LRRTM4: variants seen among roughly 807,000 people sequenced by gnomAD.
LRRTM4 encodes the protein leucine rich repeat transmembrane neuronal 4.
In LRRTM4, 25 loss-of-function variants were observed where a neutral mutation model predicts 47.6. The ratio of observed to expected loss-of-function variants is 0.53; its 90% CI spans 0.38 to 0.73. The LOEUF (loss-of-function observed/expected upper bound fraction) is 0.73, where lower values mean the gene tolerates loss of function less well. Ranked by LOEUF, LRRTM4 falls within the 30% of genes least tolerant of loss-of-function variation. The pLI, the probability that LRRTM4 is intolerant of heterozygous loss-of-function variation, is 0.00. For synonymous variants in LRRTM4, 311 were observed against 269.5 expected (o/e 1.15, Z -1.51); for missense variants, 638 against 713.4 (o/e 0.89, Z 1.20).
intron 3 of LRRTM4, among the ~76,000 whole-genome samples, chr2:77,306,093 T>C (rs1161158708): frequency 6.6e-6 from 1 of 152,182 alleles, no homozygotes; most frequent in Non-Finnish European, 1.5e-5. Context: ...CAATCCCAGA[T>C]GTTTGGGTAT....
At chr2:76,858,334 A>G (rs1672214411) in intron 3 of LRRTM4, among the ~76,000 whole-genome samples, 1 of 152,170 alleles carries the variant, frequency 6.6e-6, no homozygotes, top group Admixed American at 6.5e-5. Context: ...ACTCTTTTCA[A>G]ACTGAGACAT....
chr2:77,130,980 G>T (rs1461646689), intron 3 of LRRTM4, among the ~76,000 whole-genome samples: 4 of 144,762 alleles, frequency 2.8e-5, no homozygotes, highest in Non-Finnish European at 4.6e-5. Flanking sequence ...GACTACAGGC[G>T]CCCGCCACTA....
At chr2:76,812,375 C>T (rs1670760027) in intron 3 of LRRTM4, among the ~76,000 whole-genome samples, 1 of 152,140 alleles carries the variant, frequency 6.6e-6, no homozygotes, top group African/African-American at 2.4e-5. Context: ...CAATGAAATG[C>T]TCTCTGAGAA....
chr2:76,938,705 C>T (rs976878990), intron 3 of LRRTM4, among the ~76,000 whole-genome samples: 3 of 152,010 alleles, frequency 2.0e-5, no homozygotes, highest in African/African-American at 7.2e-5. Context: ...TCTTAGAATA[C>T]ACTTCTGTAA....
chr2:76,749,726 T>C (rs1672782222), intron 3 of LRRTM4, among the ~76,000 whole-genome samples: 1 of 152,204 alleles, frequency 6.6e-6, no homozygotes, highest in Non-Finnish European at 1.5e-5. Context: ...ATTTTGAATT[T>C]TGGTGGAGCT....
At chr2:77,517,193 C>T in intron 3 of LRRTM4, 1 of 984,972 alleles carries the variant, frequency 1.0e-6, no homozygotes, top group Non-Finnish European at 1.2e-6. Flanking sequence ...TATTTGTCTG[C>T]TCACTAACAT....
intron 3 of LRRTM4, among the ~76,000 whole-genome samples, chr2:77,398,670 A>G (rs547008187): frequency 1.3e-5 from 2 of 152,008 alleles, no homozygotes; most frequent in East Asian, 3.9e-4. Flanking sequence ...TGCTGGGTAT[A>G]TGGCAGATCC....
chr2:76,858,409 T>A (rs1672218560), intron 3 of LRRTM4, among the ~76,000 whole-genome samples: 1 of 152,198 alleles, frequency 6.6e-6, no homozygotes, highest in South Asian at 2.1e-4. Context: ...CTGCCAGGCT[T>A]CCAACTGAAA....
At position 77,034,062 on chromosome 2, in the gene LRRTM4, G is replaced by A. The variant is rs575220606; in HGVS notation, c.1552-285146C>T. 1.6e-4 allele frequency among the ~76,000 whole-genome samples: 25 copies of A among 151,772 alleles called. No individual in the cohort carries two copies. The South Asian group carries it at 5.2e-3, about 31-fold the overall frequency. ...TACTGGAAAAAACCATAAAGGTTCTGTTATGGCAAATAATTATATTAATAT... is the reference window on the plus strand; with the variant it reads ...TACTGGAAAAAACCATAAAGGTTCTATTATGGCAAATAATTATATTAATAT... On this transcript the variant is annotated intron_variant, in intron 3 of 3. Coordinates refer to ENST00000409884, the MANE Select transcript of LRRTM4 (RefSeq NM_001134745.3).
Position 77,311,212 on chromosome 2 carries a change from A to C in LRRTM4, c.1551+207106T>G, listed in dbSNP as rs1305685800. On this transcript the variant is annotated intron_variant, in intron 3 of 3. Transcript: ENST00000409884. ...CAAAGTTGGCTTTTCACTGGTAAGCAGAGGTTTGCAAATGTTGTTACAGGA... is the reference window on the plus strand; with the variant it reads ...CAAAGTTGGCTTTTCACTGGTAAGCCGAGGTTTGCAAATGTTGTTACAGGA... Among the ~76,000 whole-genome samples the C allele has an allele frequency of 2.6e-5, 4 of 152,182 alleles. No homozygotes were observed. The East Asian group carries it at 7.7e-4, about 29-fold the overall frequency.
intron 3 of LRRTM4, among the ~76,000 whole-genome samples, chr2:77,219,894 A>G (rs1396485435): frequency 6.6e-6 from 1 of 152,194 alleles, no homozygotes; most frequent in East Asian, 1.9e-4. Flanking sequence ...ATCTGAGAAC[A>G]GGCAGACTGC....
chr2:76,772,141 T>G lies in LRRTM4; in HGVS notation c.1552-23225A>C, dbSNP rs138090079. Among the ~76,000 whole-genome samples, 1,077 of 152,026 alleles carry G rather than the reference T, an allele frequency of 7.1e-3. 8 individuals are homozygous for G. Among genetic ancestry groups the G allele is most frequent in the Non-Finnish European group, 0.012 (783 of 67,966 alleles). ...GGTAATTAGATCATAAGAGTGGAGC[T>G]CTCATCATGGGACCAGTGCCATTAT... On this transcript the variant is annotated intron_variant, in intron 3 of 3. Coordinates refer to ENST00000409884, the MANE Select transcript of LRRTM4 (RefSeq NM_001134745.3).
intron 3 of LRRTM4, among the ~76,000 whole-genome samples, chr2:77,149,472 C>A (rs1672358822): frequency 6.6e-6 from 1 of 152,068 alleles, no homozygotes; most frequent in Admixed American, 6.6e-5. Context: ...AGCAAAGGCT[C>A]CCGAGGTTCT....
At chr2:77,304,192 C>T (rs1677212097) in intron 3 of LRRTM4, among the ~76,000 whole-genome samples, 2 of 152,096 alleles carry the variant, frequency 1.3e-5, no homozygotes, top group African/African-American at 4.8e-5. Flanking sequence ...GCATTTCCCT[C>T]ATCATTAGTG....
chr2:77,258,612 A>C, intron 3 of LRRTM4, among the ~76,000 whole-genome samples: 1 of 152,166 alleles, frequency 6.6e-6, no homozygotes, highest in African/African-American at 2.4e-5. Flanking sequence ...AAAACAAAAT[A>C]ATTCAATAAA....
chr2:77,381,152 G>A (rs1673036025), intron 3 of LRRTM4, among the ~76,000 whole-genome samples: 1 of 151,698 alleles, frequency 6.6e-6, no homozygotes, highest in Non-Finnish European at 1.5e-5. Context: ...GTAAATTCTG[G>A]CTTTTTGGAA....
In LRRTM4 at chr2:76,748,920, G is replaced by A. The variant is rs771841346; in HGVS notation, c.1552-4C>T. On this transcript the variant is annotated splice_polypyrimidine_tract_variant and splice_region_variant and intron_variant, in intron 3 of 3. Coordinates refer to ENST00000409884, the MANE Select transcript of LRRTM4 (RefSeq NM_001134745.3). Reference sequence around the variant, plus strand: ...AGGGCTTCATGTGGTGTGGCATCTGGATATGAGAAATAGAAAGATGGGTGG... The same window carrying A: ...AGGGCTTCATGTGGTGTGGCATCTGAATATGAGAAATAGAAAGATGGGTGG... 1 of 1,611,432 alleles carries A rather than the reference G, an allele frequency of 6.2e-7. No individual in the cohort carries two copies. Among genetic ancestry groups the A allele is most frequent in the Non-Finnish European group, 8.5e-7 (1 of 1,177,732 alleles).
intron 3 of LRRTM4, among the ~76,000 whole-genome samples, chr2:77,326,654 C>T (rs567420523): frequency 6.6e-6 from 1 of 152,154 alleles, no homozygotes; most frequent in Non-Finnish European, 1.5e-5. Context: ...CCTTGGCCTC[C>T]CAAAGTGCTA....
chr2:77,505,789 A>T (rs1678745525), intron 3 of LRRTM4, among the ~76,000 whole-genome samples: 1 of 151,598 alleles, frequency 6.6e-6, no homozygotes, highest in South Asian at 2.1e-4. Flanking sequence ...TCAAATGAAC[A>T]CATCTTTAAA....
Sources: gnomAD v4.1 joint callset for allele counts (sites outside exome capture counted in the v4.1 genomes callset) on GRCh38, gnomAD v4.1.1 for gene constraint, MANE v1.5 for transcripts, NCBI Gene and HGNC (gene_info 2026-07-23, HGNC 2026-07-21) for gene names.